Variants in SLC35D4 observed in about 807,000 individuals in gnomAD.
SLC35D4 encodes solute carrier family 35 member D4.
At chr18:23,302,911 A>C in the SLC35D4 span, among the ~76,000 whole-genome samples, 1 of 152,230 alleles carries the variant, frequency 6.6e-6, no homozygotes, top group East Asian at 1.9e-4. Flanking sequence ...AAGAATCTGG[A>C]AATCTGGATT....
chr18:23,354,683 C>G, the SLC35D4 span, among the ~76,000 whole-genome samples: 1 of 152,130 alleles, frequency 6.6e-6, no homozygotes, highest in African/African-American at 2.4e-5. Context: ...TCCTTTCCCT[C>G]GAGTCTTTCC....
chr18:23,253,714 CCTGT>C, the SLC35D4 span: 12 of 1,611,094 alleles, frequency 7.4e-6, no homozygotes, highest in East Asian at 2.2e-5. Flanking sequence ...TTCCCTCTTG[CCTGT>C]CTTTCTCCAG....
At chr18:23,371,944 T>TTTTTTTTTTG in the SLC35D4 span, among the ~76,000 whole-genome samples, 1 of 26,216 alleles carries the variant, frequency 3.8e-5, no homozygotes, top group African/African-American at 8.9e-5. Context: ...TGTTTTTTTT[T>TTTTTTTTTTG]TTTTTTTTTG....
At chr18:23,272,161 G>A in the SLC35D4 span, among the ~76,000 whole-genome samples, 1 of 152,206 alleles carries the variant, frequency 6.6e-6, no homozygotes, top group African/African-American at 2.4e-5. Flanking sequence ...GAGCCTGCAC[G>A]TGTGGGATCT....
At chr18:23,364,106 C>T in the SLC35D4 span, among the ~76,000 whole-genome samples, 2 of 152,292 alleles carry the variant, frequency 1.3e-5, no homozygotes, top group East Asian at 1.9e-4. Flanking sequence ...ACTCAGATGG[C>T]AGGTAAAATA....
At chr18:23,284,292 AG>A in the SLC35D4 span, among the ~76,000 whole-genome samples, 2 of 152,152 alleles carry the variant, frequency 1.3e-5, no homozygotes, top group South Asian at 4.2e-4. Context: ...GAAAGAGAAT[AG>A]ACTTTCACCA....
chr18:23,246,050 G>A, the SLC35D4 span, among the ~76,000 whole-genome samples: 9 of 152,216 alleles, frequency 5.9e-5, no homozygotes, highest in Admixed American at 1.3e-4. Context: ...GGCAGATCAC[G>A]AGGTCAGGAG....
chr18:23,350,233 T>C, the SLC35D4 span, among the ~76,000 whole-genome samples: 1 of 152,250 alleles, frequency 6.6e-6, no homozygotes, highest in Non-Finnish European at 1.5e-5. Context: ...CAGCTGCTGA[T>C]GTCTTTACTC....
the SLC35D4 span, among the ~76,000 whole-genome samples, chr18:23,248,853 A>G: frequency 6.6e-6 from 1 of 152,230 alleles, no homozygotes; most frequent in Non-Finnish European, 1.5e-5. Flanking sequence ...AAGGTATCTA[A>G]TAAACACCTT....
the SLC35D4 span, among the ~76,000 whole-genome samples, chr18:23,423,264 C>T: frequency 1.2e-4 from 18 of 152,250 alleles, no homozygotes; most frequent in Non-Finnish European, 2.2e-4. Flanking sequence ...CAGCCTATAA[C>T]ACCCAGTTTG....
the SLC35D4 span, among the ~76,000 whole-genome samples, chr18:23,250,142 A>C: frequency 6.6e-6 from 1 of 152,220 alleles, no homozygotes; most frequent in Non-Finnish European, 1.5e-5. Flanking sequence ...TCCCACAGGC[A>C]CTTCAACAGA....
chr18:23,344,159 G>A, the SLC35D4 span, among the ~76,000 whole-genome samples: 6 of 152,152 alleles, frequency 3.9e-5, no homozygotes, highest in Non-Finnish European at 7.4e-5. Context: ...TGGGATTACA[G>A]GTGTGAGCCA....
chr18:23,250,342 G>T, the SLC35D4 span, among the ~76,000 whole-genome samples: 1 of 152,072 alleles, frequency 6.6e-6, no homozygotes, highest in Non-Finnish European at 1.5e-5. Flanking sequence ...TGCCTGGATT[G>T]GGGGGTGAGG....
chr18:23,347,422 C>A, the SLC35D4 span, among the ~76,000 whole-genome samples: 1 of 151,502 alleles, frequency 6.6e-6, no homozygotes, highest in Non-Finnish European at 1.5e-5. Context: ...TCTCTCTTCT[C>A]TCCTATCTCT....
the SLC35D4 span, among the ~76,000 whole-genome samples, chr18:23,325,498 G>A: frequency 6.6e-6 from 1 of 152,132 alleles, no homozygotes; most frequent in Non-Finnish European, 1.5e-5. Flanking sequence ...CAAAGAAGGT[G>A]CGTGATCAGT....
chr18:23,339,955 C>T, the SLC35D4 span, among the ~76,000 whole-genome samples: 29 of 152,304 alleles, frequency 1.9e-4, no homozygotes, highest in African/African-American at 6.5e-4. Flanking sequence ...GACATTCAGA[C>T]TAGAGCAAAG....
At chr18:23,257,175 C>G in the SLC35D4 span, 57 of 1,598,108 alleles carry the variant, frequency 3.6e-5, no homozygotes, top group African/African-American at 7.0e-4. Flanking sequence ...TGCAGAAAGA[C>G]TAGGATTTTA....
chr18:23,348,647 C>A, the SLC35D4 span, among the ~76,000 whole-genome samples: 1 of 152,148 alleles, frequency 6.6e-6, no homozygotes, highest in African/African-American at 2.4e-5. Flanking sequence ...TTTAATATAG[C>A]CACTATACCC....
chr18:23,274,955 G>T, the SLC35D4 span, among the ~76,000 whole-genome samples: 3 of 152,064 alleles, frequency 2.0e-5, no homozygotes, highest in African/African-American at 7.2e-5. Flanking sequence ...GAGTGTATAT[G>T]TGTGCTTGTG....
Sources: allele counts gnomAD v4.1 joint callset (sites outside exome capture counted in the v4.1 genomes callset), GRCh38; gene constraint gnomAD v4.1.1; transcripts MANE v1.5; gene names NCBI Gene and HGNC (gene_info 2026-07-23, HGNC 2026-07-21).